Variants in BANP observed in about 807,000 individuals in gnomAD.
BANP encodes the protein BTG3 associated nuclear protein.
BANP carries 11 observed loss-of-function variants against 68.1 expected under a neutral mutation model. The ratio of observed to expected loss-of-function variants is 0.16; its 90% CI spans 0.10 to 0.27. The LOEUF is 0.27. BANP is among the 10% of genes least tolerant of loss of function. The probability of loss-of-function intolerance (pLI) is 1.00; values close to 1 mark genes in which losing one functional copy is unlikely to be tolerated. For synonymous variants in BANP, 329 were observed against 303.2 expected, an observed-to-expected ratio of 1.09 and a Z score of -0.88; for missense variants, 504 against 722.7, an observed-to-expected ratio of 0.70 and a Z score of 3.47.
chr16:87,970,456 T>G (rs752238522), intron 1 of BANP, among the ~76,000 whole-genome samples: 42 of 152,246 alleles, frequency 2.8e-4, no homozygotes, highest in Non-Finnish European at 1.3e-4. Context: ...TGTTCTTTTG[T>G]TAGAATGCTT....
chr16:87,989,268 G>C (rs2065257800), intron 4 of BANP, among the ~76,000 whole-genome samples: 1 of 152,192 alleles, frequency 6.6e-6, no homozygotes, highest in African/African-American at 2.4e-5. Context: ...TCTTCCTGCA[G>C]GTGCGCCATC....
chr16:88,041,017 G>A (rs1197909162), intron 11 of BANP, among the ~76,000 whole-genome samples: 5 of 152,206 alleles, frequency 3.3e-5, no homozygotes, highest in Non-Finnish European at 7.3e-5. Context: ...TCCCTCTTCC[G>A]GCCATCCGTT....
At chr16:87,984,284 G>A (rs928228619) in intron 4 of BANP, 25 bp downstream of exon 4, 21 of 1,548,260 alleles carry the variant, frequency 1.4e-5, no homozygotes, top group Non-Finnish European at 1.7e-5. Context: ...GGGTGCCGGG[G>A]CCTTCAGGTC....
chr16:88,000,239 C>T (rs28405125), intron 4 of BANP, among the ~76,000 whole-genome samples: 4,037 of 6,734 alleles, frequency 0.6, 1,544 homozygotes, highest in South Asian at 0.91. Flanking sequence ...CACGCACGTG[C>T]GCGGCTGTAC....
chr16:88,015,401 T>C (rs771681910), intron 6 of BANP, among the ~76,000 whole-genome samples: 2 of 152,370 alleles, frequency 1.3e-5, no homozygotes, highest in Non-Finnish European at 2.9e-5. Flanking sequence ...GGGCGCCTGC[T>C]TTCTGCCCAG....
chr16:87,995,478 A>G (rs2066946563), intron 4 of BANP, among the ~76,000 whole-genome samples: 1 of 152,252 alleles, frequency 6.6e-6, no homozygotes, highest in Non-Finnish European at 1.5e-5. Flanking sequence ...AAGTAGAAAG[A>G]AAAAATTACT....
At chr16:87,990,446 G>A (rs1179678691) in intron 4 of BANP, among the ~76,000 whole-genome samples, 2 of 152,198 alleles carry the variant, frequency 1.3e-5, no homozygotes, top group East Asian at 3.9e-4. Flanking sequence ...GTTATGTAGA[G>A]CTAGGCCTCG....
At chr16:88,075,345 C>CA (rs2091363486) in intron 13 of BANP, among the ~76,000 whole-genome samples, 1 of 152,010 alleles carries the variant, frequency 6.6e-6, no homozygotes, top group Admixed American at 6.5e-5. Context: ...GACTCCGTCT[C>CA]AAAAAAATTT....
At chr16:88,008,499 A>C (rs538088785) in intron 6 of BANP, among the ~76,000 whole-genome samples, 1 of 152,178 alleles carries the variant, frequency 6.6e-6, no homozygotes, top group African/African-American at 2.4e-5. Context: ...TTCAGGCCTG[A>C]TGTTTGTTTG....
chr16:87,967,308 C>T (rs1041488378), intron 1 of BANP, among the ~76,000 whole-genome samples: 1 of 146,282 alleles, frequency 6.8e-6, no homozygotes, highest in Middle Eastern at 3.6e-3. Context: ...GGGGTTTCAC[C>T]CTGTTAGCCA....
At chr16:88,050,800 A>G (rs1249021976) in intron 11 of BANP, among the ~76,000 whole-genome samples, 1 of 151,806 alleles carries the variant, frequency 6.6e-6, no homozygotes, top group Admixed American at 6.6e-5. Flanking sequence ...CAATCCTCCC[A>G]CCTCAGCCTC....
intron 11 of BANP, among the ~76,000 whole-genome samples, chr16:88,063,392 C>A (rs2087475726): frequency 6.6e-6 from 1 of 152,234 alleles, no homozygotes; most frequent in Non-Finnish European, 1.5e-5. Context: ...GGCTCAGCGC[C>A]CTTGCTTAGT....
At position 88,057,982 on chromosome 16, in the gene BANP, C is replaced by T. The variant is rs577911900; in HGVS notation, c.1312-7285C>T. On this transcript the variant is annotated intron_variant, in intron 11 of 13. Coordinates refer to ENST00000682872, the MANE Select transcript of BANP (RefSeq NM_001386991.1). This position sits in a 1 kb window ranked among gnomAD's most constrained non-coding sequence, Gnocchi z 4.6. ...CTGATTGAAGTCACACTCCTGCCCC[C>T]TTAAACTATGAAACGGCGGAGTTAC... is the stretch of plus-strand genomic sequence containing the variant. Among the ~76,000 whole-genome samples, 14 of 152,286 alleles carry T rather than the reference C, an allele frequency of 9.2e-5. No homozygotes were observed. Among genetic ancestry groups the T allele is most frequent in the Non-Finnish European group, 1.5e-4 (10 of 68,028 alleles).
intron 2 of BANP, chr16:87,978,622 C>A (rs757267094): frequency 2.1e-5 from 10 of 470,006 alleles, no homozygotes; most frequent in African/African-American, 1.6e-4. Context: ...GTCATGAGGC[C>A]GAAGGCATAG....
At chr16:87,967,373 G>A (rs1021133606) in intron 1 of BANP, among the ~76,000 whole-genome samples, 4 of 149,848 alleles carry the variant, frequency 2.7e-5, no homozygotes, top group Non-Finnish European at 5.9e-5. Flanking sequence ...CTCCCGAAGT[G>A]CTGGGATTAC....
chr16:88,075,440 C>A (rs1357207044), intron 13 of BANP, among the ~76,000 whole-genome samples: 1 of 152,118 alleles, frequency 6.6e-6, no homozygotes, highest in Non-Finnish European at 1.5e-5. Flanking sequence ...GAGGTCGAGG[C>A]GGCCGTGAGG....
At chr16:88,052,028 A>G (rs905264331) in intron 11 of BANP, among the ~76,000 whole-genome samples, 4 of 152,224 alleles carry the variant, frequency 2.6e-5, no homozygotes, top group African/African-American at 9.6e-5. Flanking sequence ...AGCTGCCCTC[A>G]GATACCTCTT....
rs560236562 is a variant in BANP, at chr16:87,984,362, C to T, written c.362+103C>T. The stretch of plus-strand genomic sequence containing the variant: ...TTAGTGGCTCAGTTTGCTGGAGATG[C>T]GCGGTGTCTGCCTCAGCAGTCTCAG... On this transcript the variant is annotated intron_variant, in intron 4 of 13. Transcript: ENST00000682872. 7.6e-4 allele frequency: 970 copies of T among 1,277,272 alleles called. 13 individuals are homozygous for T. In the South Asian group the frequency reaches 0.012, roughly 16 times the overall value. The allele number at this position is 1,277,272 out of a possible 1,614,324, so 79.1% of individuals were successfully genotyped here.
At chr16:87,983,632 A>G (rs1286258436) in intron 3 of BANP, among the ~76,000 whole-genome samples, 1 of 151,946 alleles carries the variant, frequency 6.6e-6, no homozygotes, top group Non-Finnish European at 1.5e-5. Flanking sequence ...ACCTTTTCCC[A>G]TTAGGCAGCG....
Sources: allele counts gnomAD v4.1 joint callset (sites outside exome capture counted in the v4.1 genomes callset), GRCh38; gene constraint gnomAD v4.1.1; non-coding constraint Gnocchi (gnomAD v3.1); transcripts MANE v1.5; gene names NCBI Gene and HGNC (gene_info 2026-07-23, HGNC 2026-07-21).